CNTNAP2: variants seen among roughly 807,000 people sequenced by gnomAD.
CNTNAP2 encodes contactin associated protein 2.
A neutral mutation model predicts 155.2 loss-of-function variants in CNTNAP2; 98 were observed. That is an observed-to-expected ratio of 0.63 (90% CI 0.54 to 0.75). The LOEUF (loss-of-function observed/expected upper bound fraction) is 0.75. Among genes scored for constraint, CNTNAP2 ranks in the 30% least tolerant of loss-of-function variants. The pLI is 0.00. For missense variants in CNTNAP2, 1,727 were observed against 1,688.1 expected (o/e 1.02, Z -0.40); for synonymous variants, 651 against 631.2 (o/e 1.03, Z -0.47).
intron 1 of CNTNAP2, among the ~76,000 whole-genome samples, chr7:146,474,997 GCA>G (rs1279316735): frequency 1.2e-4 from 16 of 132,442 alleles, no homozygotes; most frequent in East Asian, 2.2e-4. Context: ...GCACGAGCGC[GCA>G]CGCGCGCGCG....
At chr7:148,156,489 A>G (rs1805400824) in intron 17 of CNTNAP2, among the ~76,000 whole-genome samples, 1 of 151,984 alleles carries the variant, frequency 6.6e-6, no homozygotes, top group African/African-American at 2.4e-5. Context: ...CCGCTTGACC[A>G]CTAAGCATTG....
At chr7:146,264,443 T>G (rs547664115) in intron 1 of CNTNAP2, among the ~76,000 whole-genome samples, 6 of 150,110 alleles carry the variant, frequency 4.0e-5, no homozygotes, top group African/African-American at 1.5e-4. Flanking sequence ...ACAGTGAGAC[T>G]CCATCTGAAA....
intron 4 of CNTNAP2, among the ~76,000 whole-genome samples, chr7:147,102,524 A>C (rs894679782): frequency 6.6e-6 from 1 of 152,312 alleles, no homozygotes; most frequent in East Asian, 1.9e-4. Context: ...GGGAATATCA[A>C]GCACTGAAGG....
chr7:147,264,157 A>G (rs1344942412), intron 8 of CNTNAP2, among the ~76,000 whole-genome samples: 1 of 152,186 alleles, frequency 6.6e-6, no homozygotes, highest in Non-Finnish European at 1.5e-5. Context: ...ATAGAAGCAA[A>G]TGAAGTGAAC....
intron 2 of CNTNAP2, among the ~76,000 whole-genome samples, chr7:146,817,897 A>G (rs143972340): frequency 9.4e-4 from 143 of 152,364 alleles, no homozygotes; most frequent in Non-Finnish European, 1.6e-3. Context: ...TTTAAAGATT[A>G]AAAACTGAAA....
chr7:148,073,077 C>T (rs1285214695), intron 15 of CNTNAP2, among the ~76,000 whole-genome samples: 1 of 152,166 alleles, frequency 6.6e-6, no homozygotes, highest in Non-Finnish European at 1.5e-5. Context: ...TAACACCCTA[C>T]ATCCCCCAAT....
chr7:146,953,252 A>G (rs1797359352), intron 3 of CNTNAP2, among the ~76,000 whole-genome samples: 1 of 151,960 alleles, frequency 6.6e-6, no homozygotes, highest in South Asian at 2.1e-4. Context: ...ACAAAGAACC[A>G]ATACTATTTT....
In CNTNAP2 at chr7:147,591,205, T is replaced by C. The variant is rs1348765866; in HGVS notation, c.1897+28948T>C. Among the ~76,000 whole-genome samples, 6 of 152,210 alleles carry C rather than the reference T, an allele frequency of 3.9e-5. No homozygotes were observed. In the East Asian group the frequency reaches 1.2e-3, roughly 29 times the overall value. On this transcript the variant is annotated intron_variant, in intron 12 of 23. Transcript: ENST00000361727. The stretch of plus-strand genomic sequence containing the variant: ...CTGTATTAGTTTCCTAGGGCTGCCA[T>C]AACAAAATACCATGGACTGGGTAGC...
At chr7:147,895,007 G>T (rs1799755761) in intron 13 of CNTNAP2, among the ~76,000 whole-genome samples, 1 of 95,206 alleles carries the variant, frequency 1.1e-5, no homozygotes, top group Admixed American at 1.6e-4. Flanking sequence ...GTCTTACTCT[G>T]TCGCCCAGGC....
intron 4 of CNTNAP2, among the ~76,000 whole-genome samples, chr7:147,098,805 T>C (rs1189582703): frequency 6.6e-6 from 1 of 151,856 alleles, no homozygotes; most frequent in East Asian, 1.9e-4. Context: ...TTATTAATAC[T>C]TTATATTATT....
chr7:148,420,815 C>G lies in CNTNAP2; in HGVS notation c.*5199C>G, dbSNP rs1480276696. The G allele has an allele frequency of 6.6e-6, 1 of 152,550 alleles. No individual in the cohort carries two copies. Among genetic ancestry groups the G allele is most frequent in the Non-Finnish European group, 1.5e-5 (1 of 68,024 alleles). 9.4% of individuals were successfully genotyped at this position (152,550 alleles called of 1,614,324 possible). A position where few individuals can be genotyped will look rare whatever the true frequency, so the allele number is the denominator to read the frequency against. On this transcript the variant is annotated 3_prime_UTR_variant, in exon 24 of 24. Coordinates refer to ENST00000361727, the MANE Select transcript of CNTNAP2 (RefSeq NM_014141.6). Reference sequence around the variant, plus strand: ...TCTTTCTGTAAAGTCAAACAGGATTCCATCCCCTGTGAAATAACACAAAAT... The same window carrying G: ...TCTTTCTGTAAAGTCAAACAGGATTGCATCCCCTGTGAAATAACACAAAAT...
intron 1 of CNTNAP2, among the ~76,000 whole-genome samples, chr7:146,196,330 G>A (rs192498307): frequency 9.9e-5 from 15 of 152,178 alleles, no homozygotes; most frequent in East Asian, 7.7e-4. Context: ...TTACACAGGC[G>A]TTAGTTCATG....
At chr7:148,088,571 A>T in intron 15 of CNTNAP2, among the ~76,000 whole-genome samples, 1 of 152,010 alleles carries the variant, frequency 6.6e-6, no homozygotes, top group East Asian at 1.9e-4. Flanking sequence ...AGCTAAAAAA[A>T]GAATAAATTC....
At chr7:147,994,170 A>G (rs2116885185) in intron 15 of CNTNAP2, among the ~76,000 whole-genome samples, 1 of 152,196 alleles carries the variant, frequency 6.6e-6, no homozygotes, top group Middle Eastern at 3.4e-3. Flanking sequence ...CAGGAGTTTG[A>G]GACCAGCCTG....
At chr7:146,796,933 G>A (rs977413675) in intron 2 of CNTNAP2, among the ~76,000 whole-genome samples, 5 of 152,026 alleles carry the variant, frequency 3.3e-5, no homozygotes, top group African/African-American at 7.2e-5. Flanking sequence ...TCAGGAGATC[G>A]AGACCATTCT....
chr7:146,616,444 T>C (rs559916109), intron 1 of CNTNAP2, among the ~76,000 whole-genome samples: 6 of 152,306 alleles, frequency 3.9e-5, no homozygotes, highest in African/African-American at 1.4e-4. Context: ...GATTGTTCAA[T>C]ATGAGGATGG....
chr7:147,616,836 A>T (rs940508824), intron 12 of CNTNAP2, among the ~76,000 whole-genome samples: 2 of 152,226 alleles, frequency 1.3e-5, no homozygotes, highest in Non-Finnish European at 2.9e-5. Context: ...GAACTCAGAT[A>T]AATGGTAAGC....
chr7:147,395,392 A>G (rs1796796879), intron 9 of CNTNAP2, among the ~76,000 whole-genome samples: 1 of 152,164 alleles, frequency 6.6e-6, no homozygotes, highest in South Asian at 2.1e-4. Flanking sequence ...GCAAACATTT[A>G]CCTGGTAACC....
chr7:146,559,233 A>G (rs1489561274), intron 1 of CNTNAP2, among the ~76,000 whole-genome samples: 1 of 152,090 alleles, frequency 6.6e-6, no homozygotes, highest in East Asian at 1.9e-4. Flanking sequence ...ACACATATAT[A>G]TCACATTGTA....
Sources: allele counts gnomAD v4.1 joint callset (sites outside exome capture counted in the v4.1 genomes callset), GRCh38; gene constraint gnomAD v4.1.1; transcripts MANE v1.5; gene names NCBI Gene and HGNC (gene_info 2026-07-23, HGNC 2026-07-21).